Variants in LRRC4C observed in about 807,000 individuals in gnomAD.
LRRC4C encodes the protein leucine-rich repeat-containing protein 4C.
Under a neutral mutation model 33.6 loss-of-function variants are expected in LRRC4C, and 5 were observed. That is an observed-to-expected ratio of 0.15 (90% confidence interval 0.08 to 0.31). LRRC4C has a LOEUF of 0.31. Among genes scored for constraint, LRRC4C ranks in the 10% least tolerant of loss-of-function variants. The pLI is 1.00. For missense variants in LRRC4C, 560 were observed against 796.7 expected, an observed-to-expected ratio of 0.70 and a Z score of 3.58; for synonymous variants, 329 against 302.0, an observed-to-expected ratio of 1.09 and a Z score of -0.93.
intron 2 of LRRC4C, among the ~76,000 whole-genome samples, chr11:40,863,254 C>T (rs1954191699): frequency 6.6e-6 from 1 of 152,132 alleles, no homozygotes; most frequent in Non-Finnish European, 1.5e-5. Flanking sequence ...AAGAATATCG[C>T]CTGATGTTTC....
chr11:41,425,299 C>T (rs986356366), intron 1 of LRRC4C, among the ~76,000 whole-genome samples: 4 of 152,000 alleles, frequency 2.6e-5, no homozygotes, highest in Admixed American at 2.6e-4. Context: ...GTGTGAAGGG[C>T]AGGGGAAGGG....
At chr11:41,368,818 A>T (rs924487518) in intron 1 of LRRC4C, among the ~76,000 whole-genome samples, 3 of 152,198 alleles carry the variant, frequency 2.0e-5, no homozygotes, top group African/African-American at 7.2e-5. Flanking sequence ...TTCTTTTCCT[A>T]TCTATCATTT....
At chr11:41,252,500 C>G (rs1948672452) in intron 1 of LRRC4C, among the ~76,000 whole-genome samples, 1 of 152,012 alleles carries the variant, frequency 6.6e-6, no homozygotes, top group South Asian at 2.1e-4. Flanking sequence ...AGGAGGAAAA[C>G]TTTTTAAAGT....
At chr11:40,804,275 A>G (rs1951158556) in intron 2 of LRRC4C, among the ~76,000 whole-genome samples, 1 of 152,156 alleles carries the variant, frequency 6.6e-6, no homozygotes, top group South Asian at 2.1e-4. Context: ...GTATCTATAT[A>G]CTGAGCTCAT....
intron 2 of LRRC4C, among the ~76,000 whole-genome samples, chr11:40,914,752 C>G (rs1280297911): frequency 3.3e-5 from 5 of 152,152 alleles, no homozygotes; most frequent in African/African-American, 9.7e-5. Flanking sequence ...AAGAGGAAGT[C>G]AAATTGTCCC....
intron 1 of LRRC4C, among the ~76,000 whole-genome samples, chr11:40,970,674 A>T (rs953962738): frequency 1.3e-5 from 2 of 152,200 alleles, no homozygotes; most frequent in Non-Finnish European, 2.9e-5. Context: ...TCAGAGGAAG[A>T]CAGGAAGATG....
chr11:41,102,250 G>A (rs766764823), intron 1 of LRRC4C, among the ~76,000 whole-genome samples: 1 of 152,016 alleles, frequency 6.6e-6, no homozygotes, highest in Non-Finnish European at 1.5e-5. Context: ...AATAAAAAAT[G>A]TTTATTCCAC....
intron 2 of LRRC4C, among the ~76,000 whole-genome samples, chr11:40,809,773 GTGCA>G (rs1951409705): frequency 6.6e-6 from 1 of 152,172 alleles, no homozygotes; most frequent in African/African-American, 2.4e-5. Context: ...GCCTTACAAA[GTGCA>G]GACTCTCAGT....
intron 3 of LRRC4C, among the ~76,000 whole-genome samples, chr11:40,371,254 A>G (rs1948436672): frequency 6.6e-6 from 1 of 152,170 alleles, no homozygotes; most frequent in South Asian, 2.1e-4. Context: ...CAATTTCACA[A>G]CATTACAAAT....
At chr11:41,173,380 C>T (rs1945059877) in intron 1 of LRRC4C, among the ~76,000 whole-genome samples, 1 of 152,130 alleles carries the variant, frequency 6.6e-6, no homozygotes, top group Non-Finnish European at 1.5e-5. Flanking sequence ...TTAAAGCCAA[C>T]CTGAAATTCT....
intron 1 of LRRC4C, among the ~76,000 whole-genome samples, chr11:41,192,796 C>A (rs955278326): frequency 6.6e-6 from 1 of 151,944 alleles, no homozygotes; most frequent in African/African-American, 2.4e-5. Flanking sequence ...TTTATGGCAG[C>A]AAAGGATGGT....
At chr11:41,408,759 A>C (rs1565649983) in intron 1 of LRRC4C, among the ~76,000 whole-genome samples, 2 of 151,418 alleles carry the variant, frequency 1.3e-5, no homozygotes, top group South Asian at 2.1e-4. Context: ...AAAAAAAAAA[A>C]AAAAAAAACT....
At chr11:40,583,268 T>A (rs1305894049) in intron 3 of LRRC4C, among the ~76,000 whole-genome samples, 1 of 152,204 alleles carries the variant, frequency 6.6e-6, no homozygotes, top group Non-Finnish European at 1.5e-5. Context: ...TATTTCCTCT[T>A]ACTCACTCTT....
At chr11:40,471,327 G>C (rs188030800) in intron 3 of LRRC4C, among the ~76,000 whole-genome samples, 1 of 152,206 alleles carries the variant, frequency 6.6e-6, no homozygotes, top group Admixed American at 6.5e-5. Flanking sequence ...TTACAGACAA[G>C]AAAATGCTGA....
chr11:40,404,248 A>C (rs762489782), intron 3 of LRRC4C, among the ~76,000 whole-genome samples: 1 of 152,162 alleles, frequency 6.6e-6, no homozygotes, highest in Non-Finnish European at 1.5e-5. Context: ...GCTGACCCAC[A>C]GATGGACTAA....
chr11:40,878,540 C>T lies in LRRC4C; in HGVS notation c.-407+55095G>A, dbSNP rs113398250. ...TGCACCTAAGAGAATTTAATGTCAT[C>T]GCTTATCTGACATGAGGTGGAGCTC... On this transcript the variant is annotated intron_variant, in intron 2 of 6. Coordinates refer to ENST00000528697, the MANE Select transcript of LRRC4C (RefSeq NM_001258419.2). Among the ~76,000 whole-genome samples the T allele has an allele frequency of 3.4e-4, 51 of 152,184 alleles. 1 individual carries two copies. In the South Asian group the frequency reaches 3.5e-3, roughly 11 times the overall value.
At chr11:40,356,357 G>A (rs12791157) in intron 3 of LRRC4C, among the ~76,000 whole-genome samples, 77,473 of 151,980 alleles carry the variant, frequency 0.51, 20,123 homozygotes, top group East Asian at 0.8. Context: ...AAAGGATTAC[G>A]TGGGACATAG....
chr11:40,493,356 A>C (rs1247189099), intron 3 of LRRC4C, among the ~76,000 whole-genome samples: 1 of 152,138 alleles, frequency 6.6e-6, no homozygotes, highest in Non-Finnish European at 1.5e-5. Context: ...ATGTAAGTTA[A>C]ACAAGTCTTT....
intron 3 of LRRC4C, among the ~76,000 whole-genome samples, chr11:40,462,289 G>C (rs987468694): frequency 1.3e-5 from 2 of 151,998 alleles, no homozygotes. Context: ...GCAAAGGAGG[G>C]AACATATTAT....
Sources: gnomAD v4.1 joint callset for allele counts (sites outside exome capture counted in the v4.1 genomes callset) on GRCh38, gnomAD v4.1.1 for gene constraint, MANE v1.5 for transcripts, NCBI Gene and HGNC (gene_info 2026-07-23, HGNC 2026-07-21) for gene names.